Variants in GOLM1 observed in about 807,000 individuals in gnomAD.
The protein encoded by GOLM1 is epididymis luminal protein 46.
GOLM1 carries 31 observed loss-of-function variants against 50.5 expected under a neutral mutation model. The observed-to-expected ratio is 0.61, with a 90% CI of 0.46 to 0.83. The LOEUF (loss-of-function observed/expected upper bound fraction) is 0.83, where lower values mean the gene tolerates loss of function less well. Among genes scored for constraint, GOLM1 ranks in the 40% least tolerant of loss-of-function variants. The pLI is 0.00. For synonymous variants in GOLM1, 178 were observed against 192.8 expected (o/e 0.92, Z 0.64); for missense variants, 491 against 501.3 (o/e 0.98, Z 0.20).
intron 3 of GOLM1, among the ~76,000 whole-genome samples, chr9:86,074,873 T>C (rs7044688): frequency 0.036 from 5,485 of 152,110 alleles, 354 homozygotes; most frequent in African/African-American, 0.13. Context: ...TAACTCTTTT[T>C]AAAGCTAGCA....
At chr9:86,044,723 G>A (rs571215357) in intron 5 of GOLM1, among the ~76,000 whole-genome samples, 2 of 151,862 alleles carry the variant, frequency 1.3e-5, no homozygotes, top group Non-Finnish European at 1.5e-5. Flanking sequence ...AGGCGAAGAC[G>A]AGCAGATCAC....
chr9:86,099,597 C>G (rs1324190078), upstream of GOLM1: 4 of 148,032 alleles, frequency 2.7e-5, no homozygotes, highest in East Asian at 7.9e-4. Flanking sequence ...CGAGCAGCGC[C>G]GGCGGCGCGA....
Position 86,026,282 on chromosome 9 carries a change from G to T in GOLM1, c.*1535C>A, listed in dbSNP as rs1246393662. On this transcript the variant is annotated 3_prime_UTR_variant, in exon 10 of 10. Transcript: ENST00000388712. ...AGGACTCAAAGTGAGGCTGGAAGAGGACTTAGAAGAGTATGAAAGTACTCT... is the reference window on the plus strand; with the variant it reads ...AGGACTCAAAGTGAGGCTGGAAGAGTACTTAGAAGAGTATGAAAGTACTCT... The T allele has an allele frequency of 1.0e-6, 1 of 984,922 alleles. No individual in the cohort carries two copies. The highest frequency in any genetic ancestry group is 1.2e-6 in the Non-Finnish European group (1 of 829,630). The allele number at this position is 984,922 out of a possible 1,614,324, so 61.0% of individuals were successfully genotyped here.
chr9:86,040,080 G>C (rs1242826396), intron 6 of GOLM1, among the ~76,000 whole-genome samples: 3 of 152,042 alleles, frequency 2.0e-5, no homozygotes, highest in Non-Finnish European at 4.4e-5. Flanking sequence ...GCAGTTGGCT[G>C]TCTAGGGCTG....
At chr9:86,096,705 T>C (rs1323309657) in intron 1 of GOLM1, among the ~76,000 whole-genome samples, 1 of 151,928 alleles carries the variant, frequency 6.6e-6, no homozygotes, top group African/African-American at 2.4e-5. Context: ...AGAGAAAGAG[T>C]ATTTAAAACA....
rs192749045 is a variant in GOLM1, at chr9:86,089,585, G to A, written c.-22+9826C>T. ...CTTGCATATGCTTCACGAAGTTCTC[G>A]TGCTGTGTTTTTCAGCTCCATCAGG... On this transcript the variant is annotated intron_variant, in intron 1 of 9. Transcript: ENST00000388712. 8.7e-4 allele frequency among the ~76,000 whole-genome samples: 133 copies of A among 152,086 alleles called. 1 individual carries two copies. In the East Asian group the frequency reaches 0.016, roughly 19 times the overall value.
intron 3 of GOLM1, among the ~76,000 whole-genome samples, chr9:86,055,791 G>A (rs923220732): frequency 6.6e-6 from 1 of 152,102 alleles, no homozygotes; most frequent in Non-Finnish European, 1.5e-5. Context: ...GATAGGAGAG[G>A]GGGGAGGGAA....
At chr9:86,085,202 T>A (rs554757490) in intron 1 of GOLM1, among the ~76,000 whole-genome samples, 34 of 152,208 alleles carry the variant, frequency 2.2e-4, no homozygotes, top group Non-Finnish European at 4.6e-4. Flanking sequence ...ATCTCATTAG[T>A]GATATTTTCA....
chr9:86,031,012 C>A lies in GOLM1; in HGVS notation c.1129+2270G>T, dbSNP rs568670646. Among the ~76,000 whole-genome samples the A allele has an allele frequency of 4.6e-5, 7 of 152,228 alleles. No individual in the cohort carries two copies. In the East Asian group the frequency reaches 1.4e-3, roughly 29 times the overall value. ...GGATCATGAGGTCAGGAGATGGAGA[C>A]CATCCTGGCCAATATGGTGAAACCC... On this transcript the variant is annotated intron_variant, in intron 9 of 9. Transcript: ENST00000388712.
At position 86,082,175 on chromosome 9, in the gene GOLM1, C is replaced by T. The variant is rs967709136; in HGVS notation, c.-21-2834G>A. Among the ~76,000 whole-genome samples, 74 of 150,524 alleles carry T rather than the reference C, an allele frequency of 4.9e-4. 1 individual carries two copies. Among genetic ancestry groups the T allele is most frequent in the Non-Finnish European group, 2.1e-4 (14 of 67,624 alleles). On this transcript the variant is annotated intron_variant, in intron 1 of 9. Coordinates refer to ENST00000388712, the MANE Select transcript of GOLM1 (RefSeq NM_016548.4). ...TCCCGAGTAGCTGGGACTACAGGCA[C>T]CTGCCACCACACCTGGCTAATTTTT... is the stretch of plus-strand genomic sequence containing the variant.
At position 86,088,428 on chromosome 9, in the gene GOLM1, A is replaced by G. The variant is rs1399289978; in HGVS notation, c.-21-9087T>C. Among the ~76,000 whole-genome samples, 562 of 111,782 alleles carry G rather than the reference A, an allele frequency of 5.0e-3. 24 individuals carry two copies. Among genetic ancestry groups the G allele is most frequent in the African/African-American group, 0.02 (538 of 26,384 alleles). 73.3% of individuals were successfully genotyped at this position (111,782 alleles called of 152,430 possible). ...TTGTTTTTTTGAAGGGTGTATATAT[A>G]TATATATATATATATATATATATAT... is the stretch of plus-strand genomic sequence containing the variant. On this transcript the variant is annotated intron_variant, in intron 1 of 9. Transcript: ENST00000388712.
intron 4 of GOLM1, among the ~76,000 whole-genome samples, chr9:86,048,444 G>A (rs895994375): frequency 1.3e-5 from 2 of 152,128 alleles, no homozygotes; most frequent in African/African-American, 2.4e-5. Context: ...TTGAGGAATC[G>A]CCACACTGTC....
chr9:86,028,175 T>G (rs145485779), intron 9 of GOLM1, among the ~76,000 whole-genome samples: 1 of 152,294 alleles, frequency 6.6e-6, no homozygotes, highest in Non-Finnish European at 1.5e-5. Context: ...GACTCCTGTC[T>G]TCTTGCCCAA....
chr9:86,077,357 C>A, intron 3 of GOLM1, 55 bp downstream of exon 3: 2 of 1,389,790 alleles, frequency 1.4e-6, no homozygotes, highest in Non-Finnish European at 1.0e-6. Flanking sequence ...AAGAAACAGA[C>A]AATGTAGACA....
chr9:86,056,591 C>T (rs1345623715), intron 3 of GOLM1, among the ~76,000 whole-genome samples: 3 of 151,682 alleles, frequency 2.0e-5, no homozygotes, highest in East Asian at 1.9e-4. Context: ...AAGCAACCTC[C>T]ACCTCCCGGG....
Position 86,035,565 on chromosome 9 carries a change from T to C in GOLM1, c.818A>G (p.Glu273Gly). ...TTCCACCACCTGCTCCCGGCCTGGCTCCTGCGGCAGCCTGTCCCTCTGAGG... is the reference window on the plus strand; with the variant it reads ...TTCCACCACCTGCTCCCGGCCTGGCCCCTGCGGCAGCCTGTCCCTCTGAGG... ...EEPQRDRLPQEPGREQVVEDR... is the reference protein window; with the variant it reads ...EEPQRDRLPQGPGREQVVEDR... Residue 273 changes from glutamate (E) to glycine (G), a missense_variant, in exon 8 of 10, where the codon GAG becomes GGG. Transcript: ENST00000388712. The C allele has an allele frequency of 6.2e-7, 1 of 1,608,758 alleles. No individual in the cohort carries two copies. The highest frequency in any genetic ancestry group is 8.5e-7 in the Non-Finnish European group (1 of 1,179,746).
At chr9:86,089,438 G>A (rs1835103283) in intron 1 of GOLM1, among the ~76,000 whole-genome samples, 1 of 152,060 alleles carries the variant, frequency 6.6e-6, no homozygotes, top group South Asian at 2.1e-4. Flanking sequence ...ATATTTGTTG[G>A]AGGCTTTGTT....
chr9:86,067,544 C>T (rs186227944), intron 3 of GOLM1, among the ~76,000 whole-genome samples: 22 of 152,250 alleles, frequency 1.4e-4, no homozygotes, highest in African/African-American at 4.8e-4. Flanking sequence ...AGTCCAATTC[C>T]CCTGAAATTC....
intron 1 of GOLM1, among the ~76,000 whole-genome samples, chr9:86,098,277 T>C (rs1835412480): frequency 8.4e-6 from 1 of 119,284 alleles, no homozygotes; most frequent in South Asian, 2.4e-4. Context: ...GCTTCATCTT[T>C]TATAACACAA....
Sources: gnomAD v4.1 joint callset for allele counts (sites outside exome capture counted in the v4.1 genomes callset) on GRCh38, gnomAD v4.1.1 for gene constraint, MANE v1.5 for transcripts, NCBI Gene and HGNC (gene_info 2026-07-23, HGNC 2026-07-21) for gene names.